CLDN10: variants seen among roughly 807,000 people sequenced by gnomAD.
The protein encoded by CLDN10 is claudin-10.
In CLDN10, 15 loss-of-function variants were observed where a neutral mutation model predicts 22.9. That is an observed-to-expected ratio of 0.65 (90% CI 0.44 to 1.01). The LOEUF (loss-of-function observed/expected upper bound fraction) is 1.01. Among genes scored for constraint, CLDN10 ranks in the 50% least tolerant of loss-of-function variants. The pLI is 0.00. For missense variants in CLDN10, 247 were observed against 287.8 expected, an observed-to-expected ratio of 0.86 and a Z score of 1.03; for synonymous variants, 114 against 111.4, an observed-to-expected ratio of 1.02 and a Z score of -0.15.
Position 95,552,747 on chromosome 13 carries a change from C to G in CLDN10, c.-7C>G. 1.2e-6 allele frequency: 2 copies of G among 1,607,058 alleles called. No individual in the cohort carries two copies. The highest frequency in any genetic ancestry group is 1.7e-6 in the Non-Finnish European group (2 of 1,176,874). On this transcript the variant is annotated 5_prime_UTR_variant, in exon 1 of 5. Transcript: ENST00000299339. ...GCCGGAGAGCGAGCGCGGCTGCAGCCGGCGGCATGGCTAGCACGGCTTCGG... is the reference window on the plus strand; with the variant it reads ...GCCGGAGAGCGAGCGCGGCTGCAGCGGGCGGCATGGCTAGCACGGCTTCGG...
chr13:95,453,449 G>T (rs1316436689), intron 1 of CLDN10, among the ~76,000 whole-genome samples: 1 of 151,746 alleles, frequency 6.6e-6, no homozygotes, highest in East Asian at 1.9e-4. Context: ...TTGGGAGGCT[G>T]AGGCAGGTGG....
chr13:95,563,395 C>T (rs754301133), intron 3 of CLDN10, among the ~76,000 whole-genome samples: 5 of 152,040 alleles, frequency 3.3e-5, no homozygotes, highest in Non-Finnish European at 7.4e-5. Context: ...AAAAATATAA[C>T]ACCTACAATT....
rs1226004455 is a variant in CLDN10 at position 95,559,991 on chromosome 13, T to C, written c.221-141T>C. On this transcript the variant is annotated intron_variant, in intron 1 of 4. Coordinates refer to ENST00000299339, the MANE Select transcript of CLDN10 (RefSeq NM_006984.5). Reference sequence around the variant, plus strand: ...CCCTGTAGATTAACTTGCTTTCCTTTCTTGCTTGTCTTGCCACATGTTTTC... The same window carrying C: ...CCCTGTAGATTAACTTGCTTTCCTTCCTTGCTTGTCTTGCCACATGTTTTC... The C allele has an allele frequency of 3.8e-6, 3 of 794,476 alleles. No individual in the cohort carries two copies. In the Admixed American group the frequency reaches 8.2e-5, roughly 22 times the overall value. 49.2% of individuals were successfully genotyped at this position (794,476 alleles called of 1,614,324 possible).
Position 95,503,014 on chromosome 13 carries a change from C to G in CLDN10, c.215-57118C>G, listed in dbSNP as rs187926380. Reference sequence around the variant, plus strand: ...GGTTCCCAGTGGCCACCCAAGCATACTGTTCTAACTGTTGGTTGGCTCTAT... The same window carrying G: ...GGTTCCCAGTGGCCACCCAAGCATAGTGTTCTAACTGTTGGTTGGCTCTAT... On this transcript the variant is annotated intron_variant, in intron 1 of 4. Transcript: ENST00000376873. 2.6e-5 allele frequency among the ~76,000 whole-genome samples: 4 copies of G among 152,296 alleles called. No individual in the cohort carries two copies. The East Asian group carries it at 7.7e-4, about 29-fold the overall frequency.
chr13:95,507,229 T>C (rs1330324776), intron 1 of CLDN10, among the ~76,000 whole-genome samples: 2 of 152,108 alleles, frequency 1.3e-5, no homozygotes, highest in Non-Finnish European at 2.9e-5. Context: ...CATTTTTGAG[T>C]TGGGGGAAGA....
At chr13:95,569,892 C>T (rs2043833294) in intron 3 of CLDN10, among the ~76,000 whole-genome samples, 2 of 152,064 alleles carry the variant, frequency 1.3e-5, no homozygotes, top group Non-Finnish European at 2.9e-5. Flanking sequence ...CCTCAGTCTC[C>T]CAAGTAGCTG....
chr13:95,575,896 A>T (rs2043918279), intron 3 of CLDN10, among the ~76,000 whole-genome samples: 1 of 152,192 alleles, frequency 6.6e-6, no homozygotes, highest in South Asian at 2.1e-4. Context: ...GATCAATGTG[A>T]TATGTGTCTT....
intron 3 of CLDN10, among the ~76,000 whole-genome samples, chr13:95,570,768 T>A (rs1466469335): frequency 6.6e-6 from 1 of 150,800 alleles, no homozygotes; most frequent in Non-Finnish European, 1.5e-5. Flanking sequence ...CCCAAAGATA[T>A]GAAATTTCAG....
At chr13:95,495,283 C>T (rs1205759489) in intron 1 of CLDN10, among the ~76,000 whole-genome samples, 1 of 151,766 alleles carries the variant, frequency 6.6e-6, no homozygotes, top group African/African-American at 2.4e-5. Flanking sequence ...GTGATCTGTC[C>T]GTCTTGGCTT....
At chr13:95,434,289 C>A (rs1283598182) in intron 1 of CLDN10, among the ~76,000 whole-genome samples, 5 of 152,028 alleles carry the variant, frequency 3.3e-5, no homozygotes, top group Admixed American at 2.6e-4. Flanking sequence ...AGTGTGACTC[C>A]AAAGGGAAGA....
intron 1 of CLDN10, among the ~76,000 whole-genome samples, chr13:95,497,418 G>A (rs1031248970): frequency 2.6e-5 from 4 of 152,084 alleles, no homozygotes; most frequent in Non-Finnish European, 4.4e-5. Context: ...AGGAAGAAGG[G>A]GCCACTGAGC....
intron 1 of CLDN10, among the ~76,000 whole-genome samples, chr13:95,494,631 A>G (rs2042909009): frequency 1.3e-5 from 2 of 152,240 alleles, no homozygotes; most frequent in African/African-American, 4.8e-5. Context: ...TACTTGTACA[A>G]TTGATTGCTG....
intron 1 of CLDN10, among the ~76,000 whole-genome samples, chr13:95,470,762 A>C (rs979702121): frequency 1.6e-4 from 25 of 152,032 alleles, no homozygotes; most frequent in African/African-American, 5.8e-4. Context: ...TTTCAATCAC[A>C]CACTTGTCTC....
intron 3 of CLDN10, among the ~76,000 whole-genome samples, chr13:95,566,457 C>T (rs1231964883): frequency 3.9e-5 from 6 of 152,162 alleles, no homozygotes; most frequent in African/African-American, 1.4e-4. Context: ...CCTTTGCCCA[C>T]TTTTTGATGG....
intron 1 of CLDN10, among the ~76,000 whole-genome samples, chr13:95,546,435 T>TG (rs2043510392): frequency 6.6e-6 from 1 of 152,224 alleles, no homozygotes; most frequent in Non-Finnish European, 1.5e-5. Flanking sequence ...TAGTATCTAT[T>TG]GCATGGAATT....
At chr13:95,452,856 A>G (rs1566278104) in intron 1 of CLDN10, among the ~76,000 whole-genome samples, 1 of 152,216 alleles carries the variant, frequency 6.6e-6, no homozygotes, top group South Asian at 2.1e-4. Context: ...TTTTCTAACA[A>G]TAAATTATTT....
chr13:95,492,873 C>T (rs1377500945), intron 1 of CLDN10, among the ~76,000 whole-genome samples: 30 of 152,166 alleles, frequency 2.0e-4, no homozygotes, highest in Admixed American at 1.4e-3. Context: ...GTATTTTGCT[C>T]GGCTCAGCTC....
chr13:95,541,165 T>C (rs1343084492), intron 1 of CLDN10, among the ~76,000 whole-genome samples: 1 of 152,246 alleles, frequency 6.6e-6, no homozygotes, highest in East Asian at 1.9e-4. Flanking sequence ...AGAATAGTTG[T>C]AAAGGAAATC....
intron 1 of CLDN10, among the ~76,000 whole-genome samples, chr13:95,496,880 T>G (rs1262056900): frequency 6.6e-6 from 1 of 152,186 alleles, no homozygotes; most frequent in Non-Finnish European, 1.5e-5. Flanking sequence ...CACCATCTGC[T>G]ACTGGGTTCT....
Sources: gnomAD v4.1 joint callset for allele counts (sites outside exome capture counted in the v4.1 genomes callset) on GRCh38, gnomAD v4.1.1 for gene constraint, MANE v1.5 for transcripts, NCBI Gene and HGNC (gene_info 2026-07-23, HGNC 2026-07-21) for gene names.